Variants in CD226 observed in about 807,000 individuals in gnomAD.
The protein encoded by CD226 is CD226 antigen.
A neutral mutation model predicts 34.9 loss-of-function variants in CD226; 24 were observed. The observed-to-expected ratio is 0.69, with a 90% CI of 0.50 to 0.97. The LOEUF (loss-of-function observed/expected upper bound fraction) is 0.97, where lower values mean the gene tolerates loss of function less well. Ranked by LOEUF, CD226 falls within the 50% of genes least tolerant of loss-of-function variation. The pLI, the probability that CD226 is intolerant of heterozygous loss-of-function variation, is 0.00. For missense variants in CD226, 397 were observed against 412.7 expected (o/e 0.96, Z 0.33); for synonymous variants, 148 against 147.4 (o/e 1.00, Z -0.03).
At chr18:69,894,080 A>G (rs925798225) in intron 3 of CD226, among the ~76,000 whole-genome samples, 1 of 151,714 alleles carries the variant, frequency 6.6e-6, no homozygotes, top group Admixed American at 6.6e-5. Flanking sequence ...GGAAGAAAAG[A>G]AAAGGGAATG....
At chr18:69,958,613 G>C (rs1319010704), upstream of CD226, among the ~76,000 whole-genome samples, 1 of 152,114 alleles carries the variant, frequency 6.6e-6, no homozygotes, top group Non-Finnish European at 1.5e-5. Flanking sequence ...GTTCACAATA[G>C]GGTGAATGCA....
At chr18:69,878,368 G>C (rs1984008497) in intron 3 of CD226, among the ~76,000 whole-genome samples, 1 of 152,142 alleles carries the variant, frequency 6.6e-6, no homozygotes, top group Non-Finnish European at 1.5e-5. Flanking sequence ...ATTTACTCCA[G>C]GATTGTGACC....
intron 3 of CD226, among the ~76,000 whole-genome samples, chr18:69,879,546 T>A (rs1046164723): frequency 1.7e-5 from 2 of 121,054 alleles, no homozygotes; most frequent in African/African-American, 6.3e-5. Context: ...ATCTCCCTTG[T>A]TCTCTGAAAA....
At position 69,867,482 on chromosome 18, in the gene CD226, T is replaced by C; in HGVS notation, c.831-71A>G. The stretch of plus-strand genomic sequence containing the variant: ...TACTAATATTATTTCGAAGACTCTA[T>C]ACCTCACTGTACCCCTAGCCCACAT... On this transcript the variant is annotated intron_variant, in intron 4 of 5. Transcript: ENST00000582621. 6 of 929,788 alleles carry C rather than the reference T, an allele frequency of 6.5e-6. No individual in the cohort carries two copies. In the South Asian group the frequency reaches 8.0e-5, roughly 12 times the overall value. 57.6% of individuals were successfully genotyped at this position (929,788 alleles called of 1,614,324 possible).
At chr18:69,913,870 C>T (rs1261427730) in intron 2 of CD226, among the ~76,000 whole-genome samples, 1 of 152,136 alleles carries the variant, frequency 6.6e-6, no homozygotes, top group Non-Finnish European at 1.5e-5. Context: ...TATAGACAAC[C>T]TCACCGGAAA....
rs945794246 is a variant in CD226 at position 69,860,751 on chromosome 18, T to C, written c.*3563A>G. The C allele has an allele frequency of 6.6e-6, 1 of 152,286 alleles. No homozygotes were observed. The highest frequency in any genetic ancestry group is 1.9e-4 in the East Asian group (1 of 5,194). 9.4% of individuals were successfully genotyped at this position (152,286 alleles called of 1,614,324 possible). A position where few individuals can be genotyped will look rare whatever the true frequency, so the allele number is the denominator to read the frequency against. The stretch of plus-strand genomic sequence containing the variant: ...GTACTTTCTAGATGTTACATTTTAA[T>C]AGTAGCTAAACTAATGATGACATGT... On this transcript the variant is annotated 3_prime_UTR_variant, in exon 6 of 6. Transcript: ENST00000582621.
At chr18:69,945,463 C>CA (rs2055777670) in intron 2 of CD226, among the ~76,000 whole-genome samples, 1 of 151,986 alleles carries the variant, frequency 6.6e-6, no homozygotes, top group African/African-American at 2.4e-5. Context: ...GTAGATAAAG[C>CA]AAAAAACACT....
intron 3 of CD226, among the ~76,000 whole-genome samples, chr18:69,876,606 T>C (rs985702280): frequency 2.6e-5 from 4 of 152,074 alleles, no homozygotes; most frequent in African/African-American, 9.7e-5. Context: ...AACTCTCCAA[T>C]TGTGTTTTTT....
intron 2 of CD226, among the ~76,000 whole-genome samples, chr18:69,917,883 G>T (rs1443843042): frequency 2.0e-5 from 3 of 152,170 alleles, no homozygotes; most frequent in Admixed American, 1.3e-4. Context: ...GAAGGAAAAT[G>T]AGTGGTTTGA....
At position 69,947,520 on chromosome 18, in the gene CD226, G is replaced by T; in HGVS notation, c.-114C>A. On this transcript the variant is annotated 5_prime_UTR_variant, in exon 1 of 6. Coordinates refer to ENST00000582621, the MANE Select transcript of CD226 (RefSeq NM_001303618.2). ...TCCTTCCTCTCAGATGTTATCAGTC[G>T]TGTCTTCTTTTTCTGAAGTATGAAC... 1.7e-6 allele frequency: 1 copy of T among 587,184 alleles called. No homozygotes were observed. The highest frequency in any genetic ancestry group is 3.2e-5 in the South Asian group (1 of 31,332). The allele number at this position is 587,184 out of a possible 1,614,324, so 36.4% of individuals were successfully genotyped here. A position where few individuals can be genotyped will look rare whatever the true frequency, so the allele number is the denominator to read the frequency against.
Position 69,947,413 on chromosome 18 carries a change from A to T in CD226, c.-7T>A. 6.3e-7 allele frequency: 1 copy of T among 1,580,918 alleles called. No individual in the cohort carries two copies. Among genetic ancestry groups the T allele is most frequent in the Admixed American group, 1.9e-5 (1 of 52,224 alleles). ...GTAAAGTAGGATAATCCATCTCTGGAAACTGTTTGAAAGGCTGGTTCTATT... is the reference window on the plus strand; with the variant it reads ...GTAAAGTAGGATAATCCATCTCTGGTAACTGTTTGAAAGGCTGGTTCTATT... On this transcript the variant is annotated 5_prime_UTR_variant, in exon 1 of 6. Coordinates refer to ENST00000582621, the MANE Select transcript of CD226 (RefSeq NM_001303618.2).
rs1982563178 is a variant in CD226, at chr18:69,854,690, T to G, written c.*9624A>C. The stretch of plus-strand genomic sequence containing the variant: ...CTTCAAAGAAATACATTGGGAATGC[T>G]GCAGCCAGGAAAGAGAGTTGAGGAT... On this transcript the variant is annotated 3_prime_UTR_variant, in exon 6 of 6. Transcript: ENST00000582621. 1 of 152,382 alleles carries G rather than the reference T, an allele frequency of 6.6e-6. No homozygotes were observed. The allele number at this position is 152,382 out of a possible 1,614,324, so 9.4% of individuals were successfully genotyped here. A position where few individuals can be genotyped will look rare whatever the true frequency, so the allele number is the denominator to read the frequency against.
chr18:69,955,862 CAAAAAAAAAA>C (rs10659184), intron 1 of CD226, among the ~76,000 whole-genome samples: 9 of 83,234 alleles, frequency 1.1e-4, no homozygotes, highest in African/African-American at 3.2e-4. Context: ...GACTCCATCT[CAAAAAAAAAA>C]AAAAAAAAAA....
chr18:69,915,560 G>C (rs1289590589), intron 2 of CD226, among the ~76,000 whole-genome samples: 1 of 152,072 alleles, frequency 6.6e-6, no homozygotes, highest in African/African-American at 2.4e-5. Context: ...CTATTGCTAC[G>C]CGCCATTTTT....
At chr18:69,935,294 C>T (rs1202574396) in intron 2 of CD226, among the ~76,000 whole-genome samples, 1 of 152,194 alleles carries the variant, frequency 6.6e-6, no homozygotes, top group Non-Finnish European at 1.5e-5. Context: ...TCCTATAAGG[C>T]CTTTTTGAAG....
chr18:69,877,288 T>C (rs1475247553), intron 3 of CD226, among the ~76,000 whole-genome samples: 1 of 152,094 alleles, frequency 6.6e-6, no homozygotes, highest in African/African-American at 2.4e-5. Flanking sequence ...CAGTTTAATA[T>C]CAAGGATATT....
rs1466936617 is a variant in CD226 at position 69,861,445 on chromosome 18, G to A, written c.*2869C>T. ...AGTCTTCCTATCTTATTATAACAAA[G>A]TAATTTCCTTTCATTGGTTACTTTA... On this transcript the variant is annotated 3_prime_UTR_variant, in exon 6 of 6. Transcript: ENST00000582621. The A allele has an allele frequency of 6.7e-6, 1 of 149,988 alleles. No individual in the cohort carries two copies. The allele number at this position is 149,988 out of a possible 1,614,324, so 9.3% of individuals were successfully genotyped here.
At chr18:69,893,959 G>A (rs1288973161) in intron 3 of CD226, among the ~76,000 whole-genome samples, 1 of 152,182 alleles carries the variant, frequency 6.6e-6, no homozygotes, top group Non-Finnish European at 1.5e-5. Context: ...TTTGCAATAT[G>A]AGCAAAGTCT....
intron 1 of CD226, among the ~76,000 whole-genome samples, chr18:69,956,074 C>A (rs1000788718): frequency 6.6e-6 from 1 of 152,138 alleles, no homozygotes; most frequent in African/African-American, 2.4e-5. Flanking sequence ...TTCCAGTCAA[C>A]GCAAAGACTC....
Sources: gnomAD v4.1 joint callset for allele counts (sites outside exome capture counted in the v4.1 genomes callset) on GRCh38, gnomAD v4.1.1 for gene constraint, MANE v1.5 for transcripts, NCBI Gene and HGNC (gene_info 2026-07-23, HGNC 2026-07-21) for gene names.